KCNG3: variants seen among roughly 807,000 people sequenced by gnomAD.
The protein encoded by KCNG3 is voltage-gated potassium channel regulatory subunit KCNG3.
In KCNG3, 15 loss-of-function variants were observed where a neutral mutation model predicts 29.0. The ratio of observed to expected loss-of-function variants is 0.52; its 90% CI spans 0.35 to 0.80. The LOEUF (loss-of-function observed/expected upper bound fraction) is 0.80. Ranked by LOEUF, KCNG3 falls within the 30% of genes least tolerant of loss-of-function variation. The probability of loss-of-function intolerance (pLI) is 0.01; values close to 1 mark genes in which losing one functional copy is unlikely to be tolerated. For missense variants in KCNG3, 512 were observed against 605.7 expected (o/e 0.85, Z 1.62); for synonymous variants, 322 against 248.9 (o/e 1.29, Z -2.76).
At chr2:42,473,366 T>G (rs114230989) in intron 1 of KCNG3, among the ~76,000 whole-genome samples, 2,444 of 152,020 alleles carry the variant, frequency 0.016, 31 homozygotes, top group Middle Eastern at 0.048. Context: ...TTGTTTGTTT[T>G]TTTGAGACAG....
chr2:42,415,728 T>TCAAAA, the KCNG3 span, among the ~76,000 whole-genome samples: 159 of 151,698 alleles, frequency 1.0e-3, 2 homozygotes, highest in Admixed American at 3.3e-3. Flanking sequence ...AGACTCTGTC[T>TCAAAA]CAAAACAAAA....
intron 1 of KCNG3, among the ~76,000 whole-genome samples, chr2:42,445,073 T>TAAAAA (rs35392805): frequency 7.3e-6 from 1 of 136,340 alleles, no homozygotes; most frequent in African/African-American, 2.7e-5. Flanking sequence ...TCTCAAAAAT[T>TAAAAA]AAAAAAAAAA....
chr2:42,394,656 A>G, the KCNG3 span, among the ~76,000 whole-genome samples: 259 of 152,298 alleles, frequency 1.7e-3, 2 homozygotes, highest in African/African-American at 6.0e-3. Context: ...GAGGCTACCT[A>G]TGACCTGGAA....
the KCNG3 span, among the ~76,000 whole-genome samples, chr2:42,396,132 C>T: frequency 6.6e-6 from 1 of 152,042 alleles, no homozygotes; most frequent in Non-Finnish European, 1.5e-5. Flanking sequence ...AAATACCATA[C>T]TGAAAGTAAA....
At chr2:42,489,089 G>A (rs997302038) in intron 1 of KCNG3, among the ~76,000 whole-genome samples, 17 of 151,006 alleles carry the variant, frequency 1.1e-4, no homozygotes, top group Non-Finnish European at 2.2e-4. Flanking sequence ...GAAGCCAGGA[G>A]TTCACAACAG....
the KCNG3 span, among the ~76,000 whole-genome samples, chr2:42,432,779 T>G: frequency 6.6e-6 from 1 of 152,052 alleles, no homozygotes; most frequent in Non-Finnish European, 1.5e-5. Flanking sequence ...TTAAAAACCA[T>G]CAACAAGTAC....
At chr2:42,457,419 G>C (rs1672902095) in intron 1 of KCNG3, among the ~76,000 whole-genome samples, 1 of 151,888 alleles carries the variant, frequency 6.6e-6, no homozygotes, top group Admixed American at 6.6e-5. Context: ...CCTTGAGCCT[G>C]GGGAGGTTGA....
In KCNG3 at chr2:42,452,248, T is replaced by A. The variant is rs868394197; in HGVS notation, c.666-7669A>T. 9.7e-3 allele frequency among the ~76,000 whole-genome samples: 1,338 copies of A among 137,240 alleles called. 12 individuals are homozygous for A. The highest frequency in any genetic ancestry group is 0.043 in the Middle Eastern group (11 of 258). The allele number at this position is 137,240 out of a possible 152,430, so 90.0% of individuals were successfully genotyped here. Reference sequence around the variant, plus strand: ...ATATATATATATATATATATATTTTTTTTTTTTTTTTAAAGGAAACAGAAT... The same window carrying A: ...ATATATATATATATATATATATTTTATTTTTTTTTTTAAAGGAAACAGAAT... On this transcript the variant is annotated intron_variant, in intron 1 of 1. Coordinates refer to ENST00000306078, the MANE Select transcript of KCNG3 (RefSeq NM_133329.6).
downstream of KCNG3, among the ~76,000 whole-genome samples, chr2:42,437,477 C>T (rs1572836104): frequency 6.6e-6 from 1 of 152,172 alleles, no homozygotes; most frequent in Non-Finnish European, 1.5e-5. Flanking sequence ...GTTTCTACCT[C>T]TGTCCTAGGA....
the KCNG3 span, among the ~76,000 whole-genome samples, chr2:42,399,528 G>C: frequency 6.6e-6 from 1 of 152,070 alleles, no homozygotes; most frequent in South Asian, 2.1e-4. Context: ...CTCCCATGCA[G>C]CATTTATTTA....
intron 1 of KCNG3, among the ~76,000 whole-genome samples, chr2:42,488,500 G>C (rs1435728850): frequency 6.6e-6 from 1 of 151,812 alleles, no homozygotes; most frequent in Non-Finnish European, 1.5e-5. Context: ...TCAGCCTCTG[G>C]AGTAGCTGGG....
At chr2:42,429,828 C>T in the KCNG3 span, among the ~76,000 whole-genome samples, 1,048 of 152,100 alleles carry the variant, frequency 6.9e-3, 15 homozygotes, top group African/African-American at 0.024. Flanking sequence ...AGAGAAGATA[C>T]GGGAAAAGAA....
At chr2:42,421,340 C>T in the KCNG3 span, among the ~76,000 whole-genome samples, 95,485 of 151,920 alleles carry the variant, frequency 0.63, 30,591 homozygotes, top group East Asian at 0.77. Context: ...GAAAGATCAA[C>T]AGGATGAGAG....
At position 42,468,954 on chromosome 2, in the gene KCNG3, CAAAAAAAAAAAAAAAAA is replaced by C. The variant is rs61287684; in HGVS notation, c.665+23866_665+23882del. ...GGGCGACACAGCAAGACTCCGTCTC[CAAAAAAAAAAAAAAAAA>C]AAAAAAAAAATGCCAACTCCCTAAA... On this transcript the variant is annotated intron_variant, in intron 1 of 1. Transcript: ENST00000306078. Among the ~76,000 whole-genome samples the C allele has an allele frequency of 1.9e-4, 11 of 57,114 alleles. 1 individual carries two copies. In the South Asian group the frequency reaches 8.1e-3, roughly 42 times the overall value. 37.5% of individuals were successfully genotyped at this position (57,114 alleles called of 152,430 possible).
intron 1 of KCNG3, among the ~76,000 whole-genome samples, chr2:42,462,450 G>C (rs901175563): frequency 6.6e-6 from 1 of 152,204 alleles, no homozygotes. Context: ...TGTAATCCCA[G>C]CACTTTGGAT....
the KCNG3 span, among the ~76,000 whole-genome samples, chr2:42,420,086 T>G: frequency 6.6e-6 from 1 of 152,026 alleles, no homozygotes; most frequent in Non-Finnish European, 1.5e-5. Flanking sequence ...TAGCCGGGCA[T>G]GGTGGCGGGC....
At chr2:42,396,127 C>T in the KCNG3 span, among the ~76,000 whole-genome samples, 1 of 152,184 alleles carries the variant, frequency 6.6e-6, no homozygotes, top group African/African-American at 2.4e-5. Context: ...TTATCAAATA[C>T]CATACTGAAA....
chr2:42,478,830 G>C (rs1673507019), intron 1 of KCNG3, among the ~76,000 whole-genome samples: 1 of 152,124 alleles, frequency 6.6e-6, no homozygotes, highest in Non-Finnish European at 1.5e-5. Flanking sequence ...CTTAAAGTGT[G>C]CATCCCAGTT....
the KCNG3 span, among the ~76,000 whole-genome samples, chr2:42,395,429 C>T: frequency 1.3e-5 from 2 of 152,226 alleles, no homozygotes; most frequent in East Asian, 1.9e-4. Flanking sequence ...GGGCCAGGCG[C>T]GGTGGCTCAC....
Sources: gnomAD v4.1 joint callset for allele counts (sites outside exome capture counted in the v4.1 genomes callset) on GRCh38, gnomAD v4.1.1 for gene constraint, MANE v1.5 for transcripts, NCBI Gene and HGNC (gene_info 2026-07-23, HGNC 2026-07-21) for gene names.